The following EFCAB7 variants were observed in gnomAD, a reference collection of about 807,000 sequenced individuals.
The protein encoded by EFCAB7 is EF-hand calcium-binding domain-containing protein 7.
Under a neutral mutation model 77.1 loss-of-function variants are expected in EFCAB7, and 66 were observed. That is an observed-to-expected ratio of 0.86 (90% CI 0.70 to 1.05). The LOEUF is 1.05. Ranked by LOEUF, EFCAB7 falls within the 50% of genes least tolerant of loss-of-function variation. EFCAB7 has a pLI of 0.00. For synonymous variants in EFCAB7, 225 were observed against 243.3 expected (o/e 0.92, Z 0.70); for missense variants, 638 against 730.5 (o/e 0.87, Z 1.46).
chr1:63,537,754 A>G (rs139147958), intron 6 of EFCAB7, among the ~76,000 whole-genome samples: 172 of 152,270 alleles, frequency 1.1e-3, no homozygotes, highest in African/African-American at 4.0e-3. Context: ...TCATACCCCA[A>G]AGCAAATAGC....
chr1:63,564,324 A>T (rs1218163821), intron 11 of EFCAB7, among the ~76,000 whole-genome samples: 1 of 152,198 alleles, frequency 6.6e-6, no homozygotes, highest in Non-Finnish European at 1.5e-5. Flanking sequence ...AAGAAAAAAT[A>T]AAACTATAGG....
intron 9 of EFCAB7, 83 bp downstream of exon 9, chr1:63,555,598 T>G (rs1376680479): frequency 1.7e-6 from 2 of 1,177,160 alleles, no homozygotes; most frequent in East Asian, 2.6e-5. Context: ...TTTGGCCAGC[T>G]CCCACCCCCA....
intron 7 of EFCAB7, chr1:63,550,753 T>C (rs1646954862): frequency 6.6e-6 from 1 of 151,746 alleles, no homozygotes; most frequent in Admixed American, 6.6e-5. Flanking sequence ...AGGATGTTGG[T>C]GGGAGATGGG....
chr1:63,555,154 T>A (rs1647015905), intron 8 of EFCAB7: 1 of 407,796 alleles, frequency 2.5e-6, no homozygotes, highest in East Asian at 3.9e-5. Flanking sequence ...AACTGCTGTA[T>A]CTAATGATCT....
intron 5 of EFCAB7, 94 bp from the exon 6 acceptor site, chr1:63,534,001 A>G: frequency 7.5e-7 from 1 of 1,341,448 alleles, no homozygotes; most frequent in African/African-American, 1.5e-5. Context: ...AATCAAAGTA[A>G]TACAGTAGAT....
intron 8 of EFCAB7, among the ~76,000 whole-genome samples, chr1:63,552,893 AACTG>A (rs1189961152): frequency 6.6e-6 from 1 of 152,226 alleles, no homozygotes; most frequent in African/African-American, 2.4e-5. Context: ...TCTTCTTCAG[AACTG>A]ACTACAAAGT....
chr1:63,532,801 A>G (rs1646715213), intron 4 of EFCAB7, 45 bp downstream of exon 4: 2 of 1,492,290 alleles, frequency 1.3e-6, no homozygotes, highest in Admixed American at 4.0e-5. Flanking sequence ...TGTGTTGGAA[A>G]AGTGTTTTTA....
intron 2 of EFCAB7, among the ~76,000 whole-genome samples, chr1:63,529,449 C>T (rs544971869): frequency 2.0e-5 from 3 of 152,168 alleles, no homozygotes; most frequent in East Asian, 2.0e-4. Flanking sequence ...CGCGGTGGCT[C>T]ATGCCTATAA....
Position 63,560,543 on chromosome 1 carries a change from G to A in EFCAB7, c.1349-1166G>A, listed in dbSNP as rs571962158. Among the ~76,000 whole-genome samples the A allele has an allele frequency of 1.2e-4, 14 of 112,770 alleles. No individual in the cohort carries two copies. In the East Asian group the frequency reaches 4.1e-3, roughly 33 times the overall value. 74.0% of individuals were successfully genotyped at this position (112,770 alleles called of 152,430 possible). ...TTTTTTTTTTTTTTTTTGAGACTGA[G>A]TCTCACTCTGTCACCCAGGCTGTAG... On this transcript the variant is annotated intron_variant, in intron 10 of 13. Coordinates refer to ENST00000371088, the MANE Select transcript of EFCAB7 (RefSeq NM_032437.4).
intron 1 of EFCAB7, among the ~76,000 whole-genome samples, chr1:63,525,355 A>G (rs931837614): frequency 1.3e-5 from 2 of 152,156 alleles, no homozygotes; most frequent in Non-Finnish European, 1.5e-5. Flanking sequence ...CCAAAGGCTT[A>G]TTCTTGTTTA....
In EFCAB7 at chr1:63,538,727, A is replaced by G. The variant is rs1175287204; in HGVS notation, c.804+4511A>G. On this transcript the variant is annotated intron_variant, in intron 6 of 13. Coordinates refer to ENST00000371088, the MANE Select transcript of EFCAB7 (RefSeq NM_032437.4). ...AGCCTCCCAAAGTGCTGGGGATTAC[A>G]GGCGTGAGCCACCGCACCCAGCCTT... Among the ~76,000 whole-genome samples, 4 of 152,222 alleles carry G rather than the reference A, an allele frequency of 2.6e-5. 1 individual carries two copies. The highest frequency in any genetic ancestry group is 4.8e-5 in the African/African-American group (2 of 41,456).
chr1:63,574,006 C>T (rs925012852), downstream of EFCAB7, among the ~76,000 whole-genome samples: 22 of 152,226 alleles, frequency 1.4e-4, no homozygotes, highest in Middle Eastern at 3.4e-3. Context: ...CTGACAGAAG[C>T]GAAGAAATGA....
At chr1:63,527,264 G>C (rs1235069607) in intron 2 of EFCAB7, among the ~76,000 whole-genome samples, 1 of 152,128 alleles carries the variant, frequency 6.6e-6, no homozygotes, top group African/African-American at 2.4e-5. Flanking sequence ...AATTATCTGG[G>C]AGGATAACTA....
intron 6 of EFCAB7, among the ~76,000 whole-genome samples, chr1:63,544,925 T>C (rs1454703203): frequency 4.0e-5 from 6 of 150,788 alleles, no homozygotes; most frequent in East Asian, 1.9e-4. Context: ...TTCTTTCTTT[T>C]TTTTTTTTTT....
chr1:63,581,816 TG>T, the EFCAB7 span, among the ~76,000 whole-genome samples: 1 of 152,194 alleles, frequency 6.6e-6, no homozygotes, highest in Non-Finnish European at 1.5e-5. Context: ...ATGTAGATAG[TG>T]GCCTGTTTTA....
chr1:63,544,955 G>A (rs1221109549), intron 6 of EFCAB7, among the ~76,000 whole-genome samples: 3 of 125,090 alleles, frequency 2.4e-5, no homozygotes, highest in Non-Finnish European at 4.9e-5. Context: ...GTCTTGCCCT[G>A]TTGCCCAGGC....
chr1:63,546,635 T>G (rs1646902299), intron 7 of EFCAB7, among the ~76,000 whole-genome samples: 1 of 152,330 alleles, frequency 6.6e-6, no homozygotes, highest in East Asian at 1.9e-4. Flanking sequence ...CTCAAAGGGC[T>G]GGGATTATAG....
chr1:63,536,823 C>G (rs191255454), intron 6 of EFCAB7: 2 of 152,154 alleles, frequency 1.3e-5, no homozygotes, highest in Admixed American at 1.3e-4. Flanking sequence ...GGTTTTATAA[C>G]CATTCTGAAA....
intron 10 of EFCAB7, among the ~76,000 whole-genome samples, chr1:63,559,062 G>A (rs1647062912): frequency 6.6e-6 from 1 of 151,718 alleles, no homozygotes; most frequent in South Asian, 2.1e-4. Context: ...AGCACTTTGG[G>A]AGGCTGAGGT....
Sources: allele counts gnomAD v4.1 joint callset (sites outside exome capture counted in the v4.1 genomes callset), GRCh38; gene constraint gnomAD v4.1.1; transcripts MANE v1.5; gene names NCBI Gene and HGNC (gene_info 2026-07-23, HGNC 2026-07-21).